The following SKP1 variants were observed in gnomAD, a reference collection of about 807,000 sequenced individuals.
The protein encoded by SKP1 is S-phase kinase associated protein 1.
SKP1 carries 1 observed loss-of-function variant against 21.5 expected under a neutral mutation model. The observed-to-expected ratio is 0.05, with a 90% CI of 0.02 to 0.22. The LOEUF is 0.22. Ranked by LOEUF, SKP1 falls within the 10% of genes least tolerant of loss-of-function variation. SKP1 has a pLI of 1.00. For missense variants in SKP1, 70 were observed against 192.0 expected, an observed-to-expected ratio of 0.36 and a Z score of 3.76; for synonymous variants, 59 against 59.3, an observed-to-expected ratio of 0.99 and a Z score of 0.03.
chr5:134,160,320 G>A (rs543077154), intron 4 of SKP1, among the ~76,000 whole-genome samples: 3 of 151,958 alleles, frequency 2.0e-5, no homozygotes, highest in East Asian at 3.9e-4. Flanking sequence ...TCATGCCACT[G>A]CACCACAGCC....
In SKP1 at chr5:134,149,657, C is replaced by T. The variant is rs1761011464; in HGVS notation, c.*8076G>A. The T allele has an allele frequency of 6.6e-6, 1 of 152,162 alleles. No homozygotes were observed. The highest frequency in any genetic ancestry group is 6.6e-5 in the Admixed American group (1 of 15,262). The allele number at this position is 152,162 out of a possible 1,614,324, so 9.4% of individuals were successfully genotyped here. On this transcript the variant is annotated 3_prime_UTR_variant, in exon 6 of 6. Transcript: ENST00000353411. ...ACTAGCCATTCTCTGGACATCTGTC[C>T]CATTTTAAAGAATTCTGTTCTGGCT... is the stretch of plus-strand genomic sequence containing the variant.
rs747546593 is a variant in SKP1, at chr5:134,163,212, CA to C, written c.172-2083del. On this transcript the variant is annotated intron_variant, in intron 3 of 5. Transcript: ENST00000353411. ...CCTGAGCAAGAGAGTGCGATTCTGT[CA>C]AAAAAAAAAAAAAAAAATCACTATC... Among the ~76,000 whole-genome samples the C allele has an allele frequency of 6.2e-3, 434 of 70,092 alleles. 8 individuals are homozygous for C. Among genetic ancestry groups the C allele is most frequent in the African/African-American group, 0.024 (351 of 14,498 alleles). 46.0% of individuals were successfully genotyped at this position (70,092 alleles called of 152,430 possible).
chr5:134,165,585 CAAAAA>C (rs10707716), intron 3 of SKP1, among the ~76,000 whole-genome samples: 3 of 97,652 alleles, frequency 3.1e-5, no homozygotes, highest in Non-Finnish European at 4.3e-5. Context: ...GTGTCTGTCT[CAAAAA>C]AAAAAAAAAA....
At chr5:134,170,127 G>C (rs1349966437) in intron 2 of SKP1, among the ~76,000 whole-genome samples, 3 of 152,046 alleles carry the variant, frequency 2.0e-5, no homozygotes, top group African/African-American at 7.3e-5. Flanking sequence ...CCGAGATTGC[G>C]CCATTGCACT....
At chr5:134,167,100 G>A (rs1444504766) in intron 3 of SKP1, 70 bp downstream of exon 3, 1 of 750,556 alleles carries the variant, frequency 1.3e-6, no homozygotes, top group East Asian at 2.6e-5. Flanking sequence ...ATAGATTGTT[G>A]AATTACTTGT....
chr5:134,168,129 C>T (rs1761368898), intron 2 of SKP1, among the ~76,000 whole-genome samples: 1 of 152,178 alleles, frequency 6.6e-6, no homozygotes, highest in Non-Finnish European at 1.5e-5. Flanking sequence ...AGGAATATTA[C>T]ATAAAATAAG....
chr5:134,168,131 T>C (rs1205788574), intron 2 of SKP1, among the ~76,000 whole-genome samples: 2 of 152,232 alleles, frequency 1.3e-5, no homozygotes, highest in South Asian at 2.1e-4. Flanking sequence ...GAATATTACA[T>C]AAAATAAGTT....
In SKP1 at chr5:134,167,992, T is replaced by C. The variant is rs1218387640; in HGVS notation, c.98-749A>G. ...GGACGACTATAACTTATAAGACATG[T>C]CTGAAAGAATATAAAAAGTACTTTA... On this transcript the variant is annotated intron_variant, in intron 2 of 5. Coordinates refer to ENST00000353411, the MANE Select transcript of SKP1 (RefSeq NM_170679.3). Among the ~76,000 whole-genome samples, 5 of 152,214 alleles carry C rather than the reference T, an allele frequency of 3.3e-5. No homozygotes were observed. The South Asian group carries it at 6.2e-4, about 19-fold the overall frequency.
chr5:134,170,899 G>A, intron 2 of SKP1: 2 of 410,228 alleles, frequency 4.9e-6, no homozygotes, highest in South Asian at 3.6e-5. Flanking sequence ...CAAGTATTTA[G>A]GCAGCAATTC....
In SKP1 at chr5:134,161,047, G is replaced by C; in HGVS notation, c.255C>G (p.Ile85Met). Residue 85 changes from isoleucine to methionine, a missense_variant, in exon 4 of 6, where the codon ATC becomes ATG. Transcript: ENST00000353411. ...TCAGGAATTCTTGGTCCCAAACAGG[G>C]ATATCATCTGTTCGCTTTTCTTTGT... Reference protein sequence around the residue: ...DENKEKRTDDIPVWDQEFLKV... With the variant: ...DENKEKRTDDMPVWDQEFLKV... 6.2e-7 allele frequency: 1 copy of C among 1,612,542 alleles called. No individual in the cohort carries two copies. Among genetic ancestry groups the C allele is most frequent in the Non-Finnish European group, 8.5e-7 (1 of 1,178,932 alleles).
intron 1 of SKP1, among the ~76,000 whole-genome samples, chr5:134,176,259 C>T (rs970861729): frequency 3.3e-5 from 5 of 152,218 alleles, no homozygotes; most frequent in Admixed American, 1.3e-4. Flanking sequence ...TCAGATGGAG[C>T]AGGCGGCTAT....
rs1020546973 is a variant in SKP1 at position 134,152,419 on chromosome 5, C to G, written c.*5314G>C. On this transcript the variant is annotated 3_prime_UTR_variant, in exon 6 of 6. Transcript: ENST00000353411. ...CACTGCTTTTTCCTCACTTTGGCAT[C>G]TGTCCACCCCCAAACAAATCCAACT... is the stretch of plus-strand genomic sequence containing the variant. The G allele has an allele frequency of 5.3e-5, 8 of 152,230 alleles. No homozygotes were observed. Among genetic ancestry groups the G allele is most frequent in the African/African-American group, 1.9e-4 (8 of 41,440 alleles). 9.4% of individuals were successfully genotyped at this position (152,230 alleles called of 1,614,324 possible). A position where few individuals can be genotyped will look rare whatever the true frequency, so the allele number is the denominator to read the frequency against.
At position 134,151,985 on chromosome 5, in the gene SKP1, A is replaced by C; in HGVS notation, c.*5748T>G. On this transcript the variant is annotated 3_prime_UTR_variant, in exon 6 of 6. Coordinates refer to ENST00000353411, the MANE Select transcript of SKP1 (RefSeq NM_170679.3). ...TCCTGCTTAGGTGTCCAAATGGCTC[A>C]ATCTTGGGCCAAAGGACATGCTCTG... 4.5e-6 allele frequency: 1 copy of C among 223,982 alleles called. No individual in the cohort carries two copies. The highest frequency in any genetic ancestry group is 9.4e-6 in the Non-Finnish European group (1 of 106,840). 13.9% of individuals were successfully genotyped at this position (223,982 alleles called of 1,614,324 possible).
chr5:134,165,180 G>A (rs1761304342), intron 3 of SKP1, among the ~76,000 whole-genome samples: 1 of 152,104 alleles, frequency 6.6e-6, no homozygotes, highest in South Asian at 2.1e-4. Context: ...ACAACACTGT[G>A]AATGTAATTA....
At chr5:134,157,795 CCTTAA>C (rs1761145863) in intron 5 of SKP1, 27 bp from the exon 6 acceptor site, 6 of 1,613,062 alleles carry the variant, frequency 3.7e-6, no homozygotes, top group Non-Finnish European at 5.1e-6. Flanking sequence ...TAGGGAAGTA[CCTTAA>C]CTTGAGTAGT....
At chr5:134,170,979 TCA>T (rs1761428246) in intron 2 of SKP1, 3 of 454,696 alleles carry the variant, frequency 6.6e-6, no homozygotes, top group African/African-American at 6.0e-5. Context: ...TGGATTGCTT[TCA>T]GTTTTTTTTA....
intron 5 of SKP1, 95 bp downstream of exon 5, chr5:134,158,360 A>G (rs753871679): frequency 1.2e-6 from 2 of 1,604,450 alleles, no homozygotes; most frequent in Admixed American, 1.7e-5. Flanking sequence ...AAGTATCAAG[A>G]CTACTTGATA....
rs556093019 is a variant in SKP1, at chr5:134,157,551, T to C, written c.*182A>G. 1.0e-5 allele frequency: 6 copies of C among 592,802 alleles called. No individual in the cohort carries two copies. The highest frequency in any genetic ancestry group is 2.2e-5 in the South Asian group (1 of 46,376). 36.7% of individuals were successfully genotyped at this position (592,802 alleles called of 1,614,324 possible). On this transcript the variant is annotated 3_prime_UTR_variant, in exon 6 of 6. Coordinates refer to ENST00000353411, the MANE Select transcript of SKP1 (RefSeq NM_170679.3). ...AACTTTCCATCATACTAGAAGAAAC[T>C]TGGCCGTAAGGTTTGGGATCTGTGC...
rs186056394 is a variant in SKP1 at position 134,150,096 on chromosome 5, G to A, written c.*7637C>T. 2 of 152,222 alleles carry A rather than the reference G, an allele frequency of 1.3e-5. No homozygotes were observed. Among genetic ancestry groups the A allele is most frequent in the East Asian group, 1.9e-4 (1 of 5,172 alleles). 9.4% of individuals were successfully genotyped at this position (152,222 alleles called of 1,614,324 possible). ...CAGACTGGCAACTTGGGTGAAAGACGTTCATCCCTCCCCTGGTACAGCTGC... is the reference window on the plus strand; with the variant it reads ...CAGACTGGCAACTTGGGTGAAAGACATTCATCCCTCCCCTGGTACAGCTGC... On this transcript the variant is annotated 3_prime_UTR_variant, in exon 6 of 6. Transcript: ENST00000353411.
Sources: gnomAD v4.1 joint callset for allele counts (sites outside exome capture counted in the v4.1 genomes callset) on GRCh38, gnomAD v4.1.1 for gene constraint, MANE v1.5 for transcripts, NCBI Gene and HGNC (gene_info 2026-07-23, HGNC 2026-07-21) for gene names.